Variants in POU2F3 observed in about 807,000 individuals in gnomAD.
POU2F3 encodes the protein POU domain, class 2, transcription factor 3.
POU2F3 carries 23 observed loss-of-function variants against 59.2 expected under a neutral mutation model. The ratio of observed to expected loss-of-function variants is 0.39; its 90% CI spans 0.28 to 0.55. The LOEUF is 0.55. Ranked by LOEUF, POU2F3 falls within the 20% of genes least tolerant of loss-of-function variation. POU2F3 has a pLI of 0.66. For synonymous variants in POU2F3, 190 were observed against 214.6 expected, an observed-to-expected ratio of 0.89 and a Z score of 1.00; for missense variants, 473 against 544.5, an observed-to-expected ratio of 0.87 and a Z score of 1.31.
At chr11:120,266,347 T>A (rs1939825458) in intron 2 of POU2F3, among the ~76,000 whole-genome samples, 1 of 152,100 alleles carries the variant, frequency 6.6e-6, no homozygotes, top group African/African-American at 2.4e-5. Context: ...CCCGCTGCCC[T>A]CCCACTTGAG....
intron 2 of POU2F3, among the ~76,000 whole-genome samples, chr11:120,255,304 G>C (rs565450457): frequency 6.6e-6 from 1 of 152,274 alleles, no homozygotes; most frequent in Non-Finnish European, 1.5e-5. Context: ...TGCCCCAGTA[G>C]GGGGCTTGCC....
chr11:120,236,792 G>A (rs1382898954), upstream of POU2F3: 58 of 1,312,458 alleles, frequency 4.4e-5, no homozygotes, highest in East Asian at 7.5e-5. Flanking sequence ...AATAAAGATT[G>A]CTCACCATTC....
rs149756229 is a variant in POU2F3 at position 120,305,548 on chromosome 11, C to G, written c.628-96C>G. Reference sequence around the variant, plus strand: ...ATGGGTGAGCACTCAAAGATTCAGGCTGGCTGTGTGATCGATGCTAGGACC... The same window carrying G: ...ATGGGTGAGCACTCAAAGATTCAGGGTGGCTGTGTGATCGATGCTAGGACC... On this transcript the variant is annotated intron_variant, in intron 7 of 12. Coordinates refer to ENST00000543440, the MANE Select transcript of POU2F3 (RefSeq NM_014352.4). 321 of 1,515,416 alleles carry G rather than the reference C, an allele frequency of 2.1e-4. No homozygotes were observed. The African/African-American group carries it at 2.7e-3, about 13-fold the overall frequency. 93.9% of individuals were successfully genotyped at this position (1,515,416 alleles called of 1,614,324 possible).
chr11:120,315,094 C>T (rs1941748758), intron 10 of POU2F3, among the ~76,000 whole-genome samples: 1 of 152,234 alleles, frequency 6.6e-6, no homozygotes, highest in African/African-American at 2.4e-5. Flanking sequence ...TCAAAGAAAC[C>T]TTATCAGGCA....
intron 3 of POU2F3, among the ~76,000 whole-genome samples, chr11:120,293,270 G>T (rs968059387): frequency 2.0e-5 from 3 of 152,206 alleles, no homozygotes; most frequent in African/African-American, 7.2e-5. Flanking sequence ...ATCTGAGGAG[G>T]CAGGAGCCTT....
intron 3 of POU2F3, among the ~76,000 whole-genome samples, chr11:120,292,055 A>G (rs1355369194): frequency 6.6e-6 from 1 of 151,952 alleles, no homozygotes; most frequent in Non-Finnish European, 1.5e-5. Context: ...TGATCCACCA[A>G]CCTCAGCCTC....
At chr11:120,253,852 G>A (rs978717716) in intron 2 of POU2F3, among the ~76,000 whole-genome samples, 3 of 152,270 alleles carry the variant, frequency 2.0e-5, no homozygotes, top group South Asian at 4.1e-4. Context: ...GTACATCTTC[G>A]TATGACCTCC....
chr11:120,303,148 G>C (rs1483361559), intron 6 of POU2F3: 1 of 152,224 alleles, frequency 6.6e-6, no homozygotes, highest in African/African-American at 2.4e-5. Flanking sequence ...GGCTCACCAA[G>C]AGCCCGGCCT....
intron 1 of POU2F3, among the ~76,000 whole-genome samples, chr11:120,243,004 TC>T (rs1338911281): frequency 6.6e-6 from 1 of 152,092 alleles, no homozygotes. Flanking sequence ...GCCCTTCTCC[TC>T]ACTGTGAGCT....
At chr11:120,247,381 T>C (rs1175323092) in intron 2 of POU2F3, among the ~76,000 whole-genome samples, 1 of 152,182 alleles carries the variant, frequency 6.6e-6, no homozygotes, top group Non-Finnish European at 1.5e-5. Context: ...TGTAGTTCCA[T>C]TCTTGAAGCT....
rs773934125 is a variant in POU2F3, at chr11:120,285,972, C to A, written c.133-12293C>A. 1.3e-4 allele frequency among the ~76,000 whole-genome samples: 20 copies of A among 151,976 alleles called. 1 individual carries two copies. The highest frequency in any genetic ancestry group is 2.1e-4 in the Non-Finnish European group (14 of 67,972). Reference sequence around the variant, plus strand: ...ATCTCGGCTCACTGCAACCTCCGCCCCCAGGGTTCAAACAATTCTCGTGTC... The same window carrying A: ...ATCTCGGCTCACTGCAACCTCCGCCACCAGGGTTCAAACAATTCTCGTGTC... On this transcript the variant is annotated intron_variant, in intron 3 of 12. Transcript: ENST00000543440. This position sits in a 1 kb window ranked among gnomAD's most constrained non-coding sequence, Gnocchi z 4.3.
At chr11:120,316,564 T>C (rs1941793912) in intron 11 of POU2F3, among the ~76,000 whole-genome samples, 2 of 152,242 alleles carry the variant, frequency 1.3e-5, no homozygotes, top group African/African-American at 4.8e-5. Context: ...TAGCTGAGAC[T>C]ACAGGTGCAT....
chr11:120,293,918 G>A (rs1490277951), intron 3 of POU2F3, among the ~76,000 whole-genome samples: 1 of 152,184 alleles, frequency 6.6e-6, no homozygotes, highest in Non-Finnish European at 1.5e-5. Flanking sequence ...GGAGGGTCAG[G>A]AGACCACTCT....
chr11:120,305,859 G>C, intron 8 of POU2F3, 74 bp downstream of exon 8: 2 of 1,559,814 alleles, frequency 1.3e-6, no homozygotes, highest in Non-Finnish European at 8.7e-7. Context: ...TGTCGTGTTG[G>C]GGCTTTTGGG....
intron 3 of POU2F3, among the ~76,000 whole-genome samples, chr11:120,280,128 C>G (rs1300912929): frequency 6.6e-6 from 1 of 152,118 alleles, no homozygotes; most frequent in African/African-American, 2.4e-5. Flanking sequence ...CAGGCCTTCC[C>G]TTTTTCAAGC....
upstream of POU2F3, among the ~76,000 whole-genome samples, chr11:120,237,044 T>G (rs957125758): frequency 1.3e-5 from 2 of 152,170 alleles, no homozygotes. Context: ...ATTCAGAAAC[T>G]GGAGGGCAGG....
intron 2 of POU2F3, among the ~76,000 whole-genome samples, chr11:120,267,613 G>A (rs1398141871): frequency 6.6e-6 from 1 of 151,962 alleles, no homozygotes; most frequent in Non-Finnish European, 1.5e-5. Context: ...GCCCATGGTT[G>A]TTTAGGACAC....
chr11:120,247,109 G>A (rs904768773), intron 2 of POU2F3, among the ~76,000 whole-genome samples: 1 of 152,150 alleles, frequency 6.6e-6, no homozygotes, highest in African/African-American at 2.4e-5. Context: ...AAAAAGCTGA[G>A]AGGAACAAAG....
upstream of POU2F3, chr11:120,240,090 CA>C: frequency 8.8e-7 from 1 of 1,132,618 alleles, no homozygotes; most frequent in Non-Finnish European, 1.1e-6. Flanking sequence ...GGGCTCCTGC[CA>C]GGGGGCGTGG....
Sources: allele counts gnomAD v4.1 joint callset (sites outside exome capture counted in the v4.1 genomes callset), GRCh38; gene constraint gnomAD v4.1.1; non-coding constraint Gnocchi (gnomAD v3.1); transcripts MANE v1.5; gene names NCBI Gene and HGNC (gene_info 2026-07-23, HGNC 2026-07-21).